Variants in WDFY3 observed in about 807,000 individuals in gnomAD.
WDFY3 encodes WD repeat and FYVE domain containing 3.
A neutral mutation model predicts 409.6 loss-of-function variants in WDFY3; 66 were observed. The ratio of observed to expected loss-of-function variants is 0.16; its 90% CI spans 0.13 to 0.20. The LOEUF (loss-of-function observed/expected upper bound fraction) is 0.20, where lower values mean the gene tolerates loss of function less well. Ranked by LOEUF, WDFY3 falls within the 10% of genes least tolerant of loss-of-function variation. The pLI is 1.00. For synonymous variants in WDFY3, 1,521 were observed against 1,537.1 expected, an observed-to-expected ratio of 0.99 and a Z score of 0.25; for missense variants, 3,031 against 4,298.1, an observed-to-expected ratio of 0.71 and a Z score of 8.24.
At chr4:84,739,154 G>A (rs745580097) in intron 39 of WDFY3, 35 bp from the exon 40 acceptor site, 6 of 1,595,830 alleles carry the variant, frequency 3.8e-6, no homozygotes, top group Middle Eastern at 3.3e-4. Context: ...CTTTATGAAG[G>A]AAATGATTAG....
rs759548973 is a variant in WDFY3, at chr4:84,715,336, A to G, written c.7923T>C (p.Leu2641=). 2 of 1,611,226 alleles carry G rather than the reference A, an allele frequency of 1.2e-6. No homozygotes were observed. The highest frequency in any genetic ancestry group is 1.1e-5 in the South Asian group (1 of 90,890). ...TGTTTCTGATTCCTTTCTGAAAAGCAAGGAGGTAATTCCGTCCATCTCCAG... is the reference window on the plus strand; with the variant it reads ...TGTTTCTGATTCCTTTCTGAAAAGCGAGGAGGTAATTCCGTCCATCTCCAG... ...VFSGDGRNYL[L]AFQKGIRNKV... Residue 2641 remains leucine, a synonymous_variant, in exon 50 of 68, where the codon CTT becomes CTC. Coordinates refer to ENST00000295888, the MANE Select transcript of WDFY3 (RefSeq NM_014991.6).
chr4:84,868,923 C>G (rs1198680094), intron 3 of WDFY3, among the ~76,000 whole-genome samples: 1 of 152,148 alleles, frequency 6.6e-6, no homozygotes, highest in Admixed American at 6.5e-5. Context: ...CAGCATTCTC[C>G]GAGTTTTTAT....
chr4:84,878,108 T>C (rs890428939), intron 3 of WDFY3, among the ~76,000 whole-genome samples: 3 of 152,146 alleles, frequency 2.0e-5, no homozygotes, highest in Admixed American at 6.5e-5. Context: ...CAGTTAAAAC[T>C]GATATAAATT....
chr4:84,789,037 AAAAAT>A lies in WDFY3; in HGVS notation c.3669+684_3669+688del, dbSNP rs778942476. On this transcript the variant is annotated intron_variant, in intron 22 of 67. Coordinates refer to ENST00000295888, the MANE Select transcript of WDFY3 (RefSeq NM_014991.6). ...ACCATCTTAAAAAAGGAAAAACAATAAAAATAAAATAAAATAAAATAAAATGAATA... is the reference window on the plus strand; with the variant it reads ...ACCATCTTAAAAAAGGAAAAACAATAAAAATAAAATAAAATAAAATGAATA... 7.2e-5 allele frequency among the ~76,000 whole-genome samples: 11 copies of A among 152,198 alleles called. No homozygotes were observed. In the East Asian group the frequency reaches 2.1e-3, roughly 29 times the overall value.
chr4:84,702,821 G>A (rs2148939195), intron 55 of WDFY3, among the ~76,000 whole-genome samples: 1 of 152,314 alleles, frequency 6.6e-6, no homozygotes, highest in African/African-American at 2.4e-5. Flanking sequence ...TTCTGGCCGG[G>A]CGCGGCGGCT....
At chr4:84,848,053 A>G (rs1758366553) in intron 5 of WDFY3, among the ~76,000 whole-genome samples, 1 of 151,982 alleles carries the variant, frequency 6.6e-6, no homozygotes, top group African/African-American at 2.4e-5. Context: ...ACAGTCTAAG[A>G]GGTCATCTAA....
intron 2 of WDFY3, among the ~76,000 whole-genome samples, chr4:84,916,307 GTCCTCTCTA>G (rs1204328436): frequency 6.6e-6 from 1 of 152,084 alleles, no homozygotes; most frequent in Non-Finnish European, 1.5e-5. Flanking sequence ...CATTATACTA[GTCCTCTCTA>G]TCCTCTTCTT....
intron 1 of WDFY3, among the ~76,000 whole-genome samples, chr4:84,945,477 C>T (rs1344021980): frequency 6.6e-6 from 1 of 152,230 alleles, no homozygotes; most frequent in Non-Finnish European, 1.5e-5. Context: ...GGCCTCTGAT[C>T]CAGGAACTCA....
At position 84,670,818 on chromosome 4, in the gene WDFY3, T is replaced by A. The variant is rs1725334913; in HGVS notation, c.*2050A>T. On this transcript the variant is annotated 3_prime_UTR_variant, in exon 68 of 68. Transcript: ENST00000295888. ...GGCCCACAGTTACATAATAGCACAA[T>A]TTCTGCAACTGTTGAACATCAGCAT... The A allele has an allele frequency of 6.6e-6, 1 of 152,504 alleles. No individual in the cohort carries two copies. The highest frequency in any genetic ancestry group is 2.1e-4 in the South Asian group (1 of 4,830). The allele number at this position is 152,504 out of a possible 1,614,324, so 9.4% of individuals were successfully genotyped here.
At chr4:84,779,562 G>T (rs1337532752) in intron 26 of WDFY3, among the ~76,000 whole-genome samples, 1 of 152,022 alleles carries the variant, frequency 6.6e-6, no homozygotes, top group African/African-American at 2.4e-5. Flanking sequence ...ACAGGCACAT[G>T]CCACCATGCC....
chr4:84,734,996 A>G, intron 43 of WDFY3, 47 bp downstream of exon 43: 2 of 1,526,622 alleles, frequency 1.3e-6, no homozygotes, highest in Non-Finnish European at 1.8e-6. Flanking sequence ...GACCTTTCAC[A>G]TACAAAAAAT....
intron 24 of WDFY3, among the ~76,000 whole-genome samples, chr4:84,784,858 G>GTATATATATATATA (rs71670882): frequency 5.4e-4 from 48 of 88,996 alleles, no homozygotes; most frequent in Non-Finnish European, 7.6e-4. Context: ...AAGTGTATAT[G>GTATATATATATATA]TATATATATA....
chr4:84,884,157 A>G lies in WDFY3; in HGVS notation c.-32+12754T>C, dbSNP rs189147601. Among the ~76,000 whole-genome samples the G allele has an allele frequency of 5.0e-4, 76 of 152,224 alleles. 1 individual carries two copies. Among genetic ancestry groups the G allele is most frequent in the Middle Eastern group, 6.8e-3 (2 of 294 alleles). On this transcript the variant is annotated intron_variant, in intron 3 of 67. Transcript: ENST00000295888. ...TGAGTCACGCCAAGACATTTAGTTG[A>G]TTTTGGTTTATGCATATATTTATGT...
chr4:84,944,783 C>T (rs899345364), intron 1 of WDFY3, among the ~76,000 whole-genome samples: 3 of 152,036 alleles, frequency 2.0e-5, no homozygotes, highest in Admixed American at 2.0e-4. Flanking sequence ...CAGAGTGAGA[C>T]TTCCTCTCAA....
At chr4:84,715,176 T>C (rs1040516913) in intron 50 of WDFY3, 122 bp downstream of exon 50, 113 of 568,192 alleles carry the variant, frequency 2.0e-4, no homozygotes, top group Non-Finnish European at 2.9e-4. Flanking sequence ...ATAATATAAA[T>C]TATTTTCTTC....
chr4:84,817,310 G>C, intron 13 of WDFY3, 82 bp downstream of exon 13: 2 of 1,533,374 alleles, frequency 1.3e-6, no homozygotes, highest in Non-Finnish European at 1.8e-6. Flanking sequence ...TAATTTCCCT[G>C]TCTCTAACTT....
chr4:84,787,421 G>C, intron 23 of WDFY3, 61 bp downstream of exon 23: 3 of 1,477,160 alleles, frequency 2.0e-6, no homozygotes, highest in Non-Finnish European at 2.8e-6. Context: ...ACACACACAT[G>C]CATCTATATT....
At chr4:84,813,276 C>A (rs1445959237) in intron 13 of WDFY3, among the ~76,000 whole-genome samples, 1 of 152,094 alleles carries the variant, frequency 6.6e-6, no homozygotes, top group Non-Finnish European at 1.5e-5. Flanking sequence ...CCCTTCAAAG[C>A]AGAATGCCAG....
intron 29 of WDFY3, among the ~76,000 whole-genome samples, chr4:84,773,786 T>A (rs756069704): frequency 1.3e-5 from 2 of 152,212 alleles, no homozygotes; most frequent in Non-Finnish European, 2.9e-5. Flanking sequence ...AGTGGTGCGA[T>A]CTTGGCTCAC....
Sources: gnomAD v4.1 joint callset for allele counts (sites outside exome capture counted in the v4.1 genomes callset) on GRCh38, gnomAD v4.1.1 for gene constraint, MANE v1.5 for transcripts, NCBI Gene and HGNC (gene_info 2026-07-23, HGNC 2026-07-21) for gene names.